Variants in LMF2 observed in about 807,000 individuals in gnomAD.
The protein encoded by LMF2 is transmembrane protein 112B.
LMF2 carries 113 observed loss-of-function variants against 81.5 expected under a neutral mutation model. The ratio of observed to expected loss-of-function variants is 1.39; its 90% CI spans 1.19 to 1.62. LMF2 has a LOEUF of 1.62. Among genes scored for constraint, LMF2 ranks in the 40% most tolerant of loss-of-function variants. The pLI is 0.00. For missense variants in LMF2, 1,235 were observed against 929.1 expected, an observed-to-expected ratio of 1.33 and a Z score of -4.28; for synonymous variants, 645 against 424.5, an observed-to-expected ratio of 1.52 and a Z score of -6.39.
rs925343110 is a variant in LMF2, at chr22:50,507,640, G to A, written c.36C>T (p.Leu12=). Residue 12 remains leucine (L), a synonymous_variant, in exon 1 of 14, where the codon CTC becomes CTT. Coordinates refer to ENST00000474879, the MANE Select transcript of LMF2 (RefSeq NM_033200.3). ...ACATGAAGACGGCCGCCACGCCCTG[G>A]AGGAAGAGCTGCCGCGGGAGCCGGG... The part of the protein sequence containing the change: ...AGSRLPRQLF[L]QGVAAVFMFA... 4.5e-6 allele frequency: 7 copies of A among 1,555,434 alleles called. No homozygotes were observed. The East Asian group carries it at 7.3e-5, about 16-fold the overall frequency.
rs139964831 is a variant in LMF2, at chr22:50,504,400, G to C, written c.1658C>G (p.Pro553Arg). 1 of 1,612,304 alleles carries C rather than the reference G, an allele frequency of 6.2e-7. No individual in the cohort carries two copies. The highest frequency in any genetic ancestry group is 8.5e-7 in the Non-Finnish European group (1 of 1,179,674). ...GCGCTGGGCTCGGACGTAGGTGGGC[G>C]GCTGCTTGTGGAAGGGATACCTGGC... ...QVARYPFHKQ[P>R]PTYVRAQRYK... Residue 553 changes from proline (P) to arginine (R), a missense_variant, in exon 12 of 14, where the codon CCG (proline) becomes CGG (arginine). Coordinates refer to ENST00000474879, the MANE Select transcript of LMF2 (RefSeq NM_033200.3).
Position 50,503,268 on chromosome 22 carries a change from C to A in LMF2, c.*123G>T. The stretch of plus-strand genomic sequence containing the variant: ...GCACCCTGCAAACCCCAGGGGCAGC[C>A]CCCCAACCTGTGCCTGGCCCTGCAG... On this transcript the variant is annotated 3_prime_UTR_variant, in exon 14 of 14. Transcript: ENST00000474879. The A allele has an allele frequency of 7.5e-6, 8 of 1,072,272 alleles. No homozygotes were observed. Among genetic ancestry groups the A allele is most frequent in the Non-Finnish European group, 1.1e-5 (8 of 752,324 alleles). 66.4% of individuals were successfully genotyped at this position (1,072,272 alleles called of 1,614,324 possible).
intron 11 of LMF2, 48 bp from the exon 12 acceptor site, chr22:50,504,499 C>CAG: frequency 2.7e-6 from 4 of 1,485,206 alleles, no homozygotes; most frequent in Non-Finnish European, 3.7e-6. Flanking sequence ...CGCCCTGCCC[C>CAG]TCCCCTCCCC....
At chr22:50,507,095 G>C (rs373146052) in intron 1 of LMF2, 60 bp from the exon 2 acceptor site, 4 of 1,529,418 alleles carry the variant, frequency 2.6e-6, no homozygotes, top group African/African-American at 2.7e-5. Context: ...GACTACCTCT[G>C]AGTCAGGGCC....
In LMF2 at chr22:50,504,713, C is replaced by T. The variant is rs1308581846; in HGVS notation, c.1452G>A (p.Met484Ile). The T allele has an allele frequency of 5.0e-6, 8 of 1,610,058 alleles. No homozygotes were observed. Among genetic ancestry groups the T allele is most frequent in the Non-Finnish European group, 6.8e-6 (8 of 1,179,384 alleles). ...DGHHWTEIEF[M>I]YKPGNLSRPP... ...GCCGGCTCAGGTTCCCAGGCTTGTA[C>T]ATGAACTCGATCTCCTGCCAGGCAG... The change falls in exon 11 of 14, where the codon ATG becomes ATA. Residue 484 changes from methionine to isoleucine, a missense_variant. Transcript: ENST00000474879.
At chr22:50,504,045 G>T (rs1391261099) in intron 12 of LMF2, 141 bp from the exon 13 acceptor site, 55 of 753,968 alleles carry the variant, frequency 7.3e-5, no homozygotes, top group Non-Finnish European at 1.1e-4. Context: ...TGCACCCCGG[G>T]CTCCACACCC....
intron 4 of LMF2, 32 bp downstream of exon 4, chr22:50,506,253 A>AGACTACC: frequency 6.5e-7 from 1 of 1,547,906 alleles, no homozygotes; most frequent in Non-Finnish European, 8.7e-7. Context: ...CCGAGCCCCC[A>AGACTACC]GACTACCCCA....
At position 50,506,407 on chromosome 22, in the gene LMF2, G is replaced by C; in HGVS notation, c.473C>G (p.Ala158Gly). Residue 158 changes from alanine to glycine, a missense_variant, in exon 4 of 14, where the codon GCA (alanine) becomes GGA (glycine). By Grantham distance (60) the Ala-to-Gly change is moderately conservative (BLOSUM62 0). Transcript: ENST00000474879. ...HRKEAPQGRQ[A>G]GALPHEDLPF... ...GAGGTCTTCGTGGGGCAGGGCCCCT[G>C]CCTGCCTGCCCTGGGGGGCCTCCTT... The C allele has an allele frequency of 1.9e-6, 3 of 1,550,008 alleles. No homozygotes were observed. Among genetic ancestry groups the C allele is most frequent in the Non-Finnish European group, 2.6e-6 (3 of 1,147,544 alleles).
chr22:50,503,578 A>G lies in LMF2; in HGVS notation c.1937T>C (p.Val646Ala). The change falls in exon 14 of 14, where the codon GTG becomes GCG. Residue 646 changes from valine to alanine, a missense_variant. Physicochemically the swap from Val to Ala is moderately conservative, Grantham distance 64. Transcript: ENST00000474879. The part of the protein sequence containing the change: ...PALLWGLLMA[V>A]GAVRFVQALL... ...GGCTTGCACAAATCTGACAGCCCCCACGGCCATGAGGAGCCCCCAGAGCAG... is the reference window on the plus strand; with the variant it reads ...GGCTTGCACAAATCTGACAGCCCCCGCGGCCATGAGGAGCCCCCAGAGCAG... 1 of 1,541,680 alleles carries G rather than the reference A, an allele frequency of 6.5e-7. No homozygotes were observed. Among genetic ancestry groups the G allele is most frequent in the South Asian group, 1.2e-5 (1 of 81,498 alleles).
At position 50,506,431 on chromosome 22, in the gene LMF2, T is replaced by C. The variant is rs959052371; in HGVS notation, c.449A>G (p.Lys150Arg). ...VAPLRPASHR[K>R]EAPQGRQAGA... ...TGCCTGCCTGCCCTGGGGGGCCTCC[T>C]TGCGGTGGGAGGCTGGCCTCAGCGG... Residue 150 changes from lysine (K) to arginine (R), a missense_variant, in exon 4 of 14, where the codon AAG becomes AGG. Lys to Arg is a conservative substitution (Grantham distance 26). Transcript: ENST00000474879. The C allele has an allele frequency of 4.5e-6, 7 of 1,550,382 alleles. No homozygotes were observed. Among genetic ancestry groups the C allele is most frequent in the Non-Finnish European group, 4.4e-6 (5 of 1,148,112 alleles).
chr22:50,505,077 C>T lies in LMF2; in HGVS notation c.1234G>A (p.Ala412Thr), dbSNP rs9616787. 8.1e-3 allele frequency: 12,993 copies of T among 1,612,994 alleles called. 69 individuals carry two copies. Among genetic ancestry groups the T allele is most frequent in the Non-Finnish European group, 0.01 (11,927 of 1,179,992 alleles). Residue 412 changes from alanine to threonine, a missense_variant, in exon 9 of 14, where the codon GCC becomes ACC. Physicochemically the swap from Ala to Thr is moderately conservative, Grantham distance 58 (BLOSUM62 0). Coordinates refer to ENST00000474879, the MANE Select transcript of LMF2 (RefSeq NM_033200.3). ...QLSLVGTATV[A>T]LFLISLVPYS... ...CCCACCAGGCTAATCAGGAACAAGG[C>T]CACGGTCGCAGTGCCCACAAGGGAC...
At chr22:50,507,093 C>T (rs763770084) in intron 1 of LMF2, 58 bp from the exon 2 acceptor site, 6 of 1,532,562 alleles carry the variant, frequency 3.9e-6, no homozygotes, top group Non-Finnish European at 5.2e-6. Flanking sequence ...TAGACTACCT[C>T]TGAGTCAGGG....
Position 50,505,059 on chromosome 22 carries a change from G to C in LMF2, c.1252C>G (p.Leu418Val). Reference sequence around the variant, plus strand: ...CCCAGCCCTGCAGCGCTACCCACCAGGCTAATCAGGAACAAGGCCACGGTC... The same window carrying C: ...CCCAGCCCTGCAGCGCTACCCACCACGCTAATCAGGAACAAGGCCACGGTC... Reference protein sequence around the residue: ...TATVALFLISLVPYSYVEPGT... With the variant: ...TATVALFLISVVPYSYVEPGT... Residue 418 changes from leucine (L) to valine (V), a missense_variant and splice_region_variant, in exon 9 of 14, where the codon CTG becomes GTG. Transcript: ENST00000474879. 1 of 1,612,936 alleles carries C rather than the reference G, an allele frequency of 6.2e-7. No homozygotes were observed.
Position 50,505,754 on chromosome 22 carries a change from A to G in LMF2, c.836T>C (p.Leu279Pro). 6.2e-7 allele frequency: 1 copy of G among 1,613,234 alleles called. No individual in the cohort carries two copies. The highest frequency in any genetic ancestry group is 1.3e-5 in the African/African-American group (1 of 75,052). ...GNYNFFNLMT[L>P]VLTTALLDDQ... ...GTCCAGCAGCGCAGTGGTAAGCACC[A>G]GCGTCATCAGGTTGAAGAAGTTGTA... Residue 279 changes from leucine to proline, a missense_variant, in exon 6 of 14, where the codon CTG becomes CCG. Leu to Pro is a moderately conservative substitution (Grantham distance 98). Transcript: ENST00000474879.
chr22:50,504,649 A>C lies in LMF2; in HGVS notation c.1516T>G (p.Trp506Gly), dbSNP rs2068507112. Residue 506 changes from tryptophan to glycine, a missense_variant, in exon 11 of 14, where the codon TGG becomes GGG. Physicochemically the swap from Trp to Gly is radical, Grantham distance 184 (BLOSUM62 -2). Transcript: ENST00000474879. ...CCCAGGGCTGCAAACCACATCTGCC[A>C]GTCCAGGCGTGGCTGGTGGGGCACC... ...VVVPHQPRLDWQMWFAALGPH... is the reference protein window; with the variant it reads ...VVVPHQPRLDGQMWFAALGPH... 2 of 1,608,688 alleles carry C rather than the reference A, an allele frequency of 1.2e-6. No individual in the cohort carries two copies. Among genetic ancestry groups the C allele is most frequent in the Admixed American group, 1.7e-5 (1 of 59,344 alleles).
chr22:50,503,242 A>C lies in LMF2; in HGVS notation c.*149T>G, dbSNP rs2068452583. On this transcript the variant is annotated 3_prime_UTR_variant, in exon 14 of 14. Coordinates refer to ENST00000474879, the MANE Select transcript of LMF2 (RefSeq NM_033200.3). ...GGGTGGGGCCTGGAGCCCTCAATGCAGCACCCTGCAAACCCCAGGGGCAGC... is the reference window on the plus strand; with the variant it reads ...GGGTGGGGCCTGGAGCCCTCAATGCCGCACCCTGCAAACCCCAGGGGCAGC... 9 of 783,668 alleles carry C rather than the reference A, an allele frequency of 1.1e-5. No homozygotes were observed. Among genetic ancestry groups the C allele is most frequent in the Non-Finnish European group, 1.6e-5 (8 of 505,030 alleles). 48.5% of individuals were successfully genotyped at this position (783,668 alleles called of 1,614,324 possible).
At position 50,504,707 on chromosome 22, in the gene LMF2, C is replaced by T. The variant is rs1466205866; in HGVS notation, c.1458G>A (p.Lys486=). ...HHWTEIEFMY[K]PGNLSRPPPV... ...GGGGCGGCCGGCTCAGGTTCCCAGG[C>T]TTGTACATGAACTCGATCTCCTGCC... Residue 486 remains lysine, a synonymous_variant, in exon 11 of 14, where the codon AAG becomes AAA. Coordinates refer to ENST00000474879, the MANE Select transcript of LMF2 (RefSeq NM_033200.3). The T allele has an allele frequency of 1.9e-6, 3 of 1,610,148 alleles. No individual in the cohort carries two copies. Among genetic ancestry groups the T allele is most frequent in the Non-Finnish European group, 2.5e-6 (3 of 1,179,436 alleles).
In LMF2 at chr22:50,506,282, C is replaced by T. The variant is rs759447107; in HGVS notation, c.595+3G>A. The T allele has an allele frequency of 6.5e-7, 1 of 1,548,854 alleles. No homozygotes were observed. Among genetic ancestry groups the T allele is most frequent in the Admixed American group, 2.0e-5 (1 of 50,952 alleles). ...TACCCCAGGTCCAGACCGGGCCCCT[C>T]ACCAGTGAGCCCCCACCACGCAGGG... On this transcript the variant is annotated splice_donor_region_variant and intron_variant, in intron 4 of 13. Transcript: ENST00000474879.
At position 50,503,344 on chromosome 22, in the gene LMF2, C is replaced by T; in HGVS notation, c.*47G>A. On this transcript the variant is annotated 3_prime_UTR_variant, in exon 14 of 14. Coordinates refer to ENST00000474879, the MANE Select transcript of LMF2 (RefSeq NM_033200.3). Reference sequence around the variant, plus strand: ...TCCTGTCCTGCCGGAGGCCAGAGCACTCCCGGCGACCTGGCCCTCTCAGGA... The same window carrying T: ...TCCTGTCCTGCCGGAGGCCAGAGCATTCCCGGCGACCTGGCCCTCTCAGGA... 6.3e-7 allele frequency: 1 copy of T among 1,598,776 alleles called. No homozygotes were observed. Among genetic ancestry groups the T allele is most frequent in the Non-Finnish European group, 8.5e-7 (1 of 1,173,344 alleles).
Sources: allele counts gnomAD v4.1 joint callset, GRCh38; gene constraint gnomAD v4.1.1; transcripts MANE v1.5; gene names NCBI Gene and HGNC (gene_info 2026-07-23, HGNC 2026-07-21).